The following MGA variants were observed in gnomAD, a reference collection of about 807,000 sequenced individuals.
MGA encodes MAX dimerization protein MGA, also known as MAX gene-associated protein.
MGA carries 40 observed loss-of-function variants against 261.1 expected under a neutral mutation model. That is an observed-to-expected ratio of 0.15 (90% CI 0.12 to 0.20). MGA has a LOEUF of 0.20. Among genes scored for constraint, MGA ranks in the 10% least tolerant of loss-of-function variants. The probability of loss-of-function intolerance (pLI) is 1.00; values close to 1 mark genes in which losing one functional copy is unlikely to be tolerated. For synonymous variants in MGA, 1,302 were observed against 1,290.6 expected (o/e 1.01, Z -0.19); for missense variants, 3,397 against 3,630.5 (o/e 0.94, Z 1.65).
chr15:41,682,835 G>A (rs915317500), intron 2 of MGA, among the ~76,000 whole-genome samples: 2 of 152,064 alleles, frequency 1.3e-5, no homozygotes, highest in African/African-American at 4.8e-5. Context: ...GGTTTGTGTT[G>A]TTTTTGTTGT....
Position 41,713,132 on chromosome 15 carries a change from T to G in MGA, c.3085-19T>G. ...GGGGGATGGTTTAGTGGAATTACAA[T>G]TTTCTCCTTTGACTTTAGGCATCCC... On this transcript the variant is annotated intron_variant, in intron 8 of 23. Coordinates refer to ENST00000219905, the MANE Select transcript of MGA (RefSeq NM_001164273.2). The G allele has an allele frequency of 6.2e-7, 1 of 1,602,646 alleles. No individual in the cohort carries two copies. Among genetic ancestry groups the G allele is most frequent in the East Asian group, 2.2e-5 (1 of 44,784 alleles).
intron 2 of MGA, 83 bp downstream of exon 2, chr15:41,670,041 G>T: frequency 9.2e-7 from 1 of 1,090,642 alleles, no homozygotes; most frequent in Non-Finnish European, 1.3e-6. Context: ...TGGTTCTGTG[G>T]AATGCTACAG....
chr15:41,742,661 G>T lies in MGA; in HGVS notation c.4701G>T (p.Lys1567Asn). 6.2e-7 allele frequency: 1 copy of T among 1,613,958 alleles called. No individual in the cohort carries two copies. Among genetic ancestry groups the T allele is most frequent in the Non-Finnish European group, 8.5e-7 (1 of 1,179,876 alleles). ...CCCAAACCCTGGCAGGGACACAGAA[G>T]TTCAGTATCAGACCTTCTCCAGTAA... Residue 1567 changes from lysine (K) to asparagine (N), a missense_variant, in exon 15 of 24, where the codon AAG becomes AAT. Coordinates refer to ENST00000219905, the MANE Select transcript of MGA (RefSeq NM_001164273.2).
At chr15:41,655,897 A>G (rs992770724), upstream of MGA, among the ~76,000 whole-genome samples, 5 of 152,192 alleles carry the variant, frequency 3.3e-5, no homozygotes, top group East Asian at 1.9e-4. Flanking sequence ...CAAACCTCAC[A>G]TTGTTGGACA....
At chr15:41,740,981 T>C (rs1184193214) in intron 14 of MGA, among the ~76,000 whole-genome samples, 1 of 152,190 alleles carries the variant, frequency 6.6e-6, no homozygotes, top group Non-Finnish European at 1.5e-5. Context: ...GAATGTTAGG[T>C]AAGAGTGTCA....
chr15:41,769,793 G>A lies in MGA; in HGVS notation c.*2513G>A, dbSNP rs1347011534. Reference sequence around the variant, plus strand: ...TAAGAATATAATTATGTCAGATTTAGCATTTTCTTTTATATATTAAATATA... The same window carrying A: ...TAAGAATATAATTATGTCAGATTTAACATTTTCTTTTATATATTAAATATA... On this transcript the variant is annotated 3_prime_UTR_variant, in exon 24 of 24. Transcript: ENST00000219905. 1.3e-5 allele frequency: 2 copies of A among 152,502 alleles called. No homozygotes were observed. The highest frequency in any genetic ancestry group is 3.8e-4 in the East Asian group (2 of 5,204). The allele number at this position is 152,502 out of a possible 1,614,324, so 9.4% of individuals were successfully genotyped here. A position where few individuals can be genotyped will look rare whatever the true frequency, so the allele number is the denominator to read the frequency against.
chr15:41,745,654 G>C (rs1277857104), intron 15 of MGA, among the ~76,000 whole-genome samples: 1 of 152,014 alleles, frequency 6.6e-6, no homozygotes, highest in Non-Finnish European at 1.5e-5. Flanking sequence ...ATCCTGGTTG[G>C]AGTGTAGTGG....
chr15:41,667,600 G>C (rs970113413), intron 1 of MGA, among the ~76,000 whole-genome samples: 1 of 151,958 alleles, frequency 6.6e-6, no homozygotes, highest in Non-Finnish European at 1.5e-5. Context: ...GGCTGGTCTG[G>C]GACTCCTGAC....
chr15:41,693,353 C>T (rs2059390973), intron 2 of MGA, among the ~76,000 whole-genome samples: 1 of 133,992 alleles, frequency 7.5e-6, no homozygotes, highest in African/African-American at 2.8e-5. Context: ...GTTCCCCTTT[C>T]TGTGTCCATG....
Position 41,710,834 on chromosome 15 carries a change from C to T in MGA, c.2569C>T (p.Leu857Phe). The T allele has an allele frequency of 6.2e-7, 1 of 1,613,960 alleles. No homozygotes were observed. Among genetic ancestry groups the T allele is most frequent in the Non-Finnish European group, 8.5e-7 (1 of 1,179,866 alleles). The stretch of plus-strand genomic sequence containing the variant: ...TCCCACATCTCCTGTGGTGTACCAG[C>T]TTCCCACTAAGAGTACCAGTTATGT... The change falls in exon 8 of 24, where the codon CTT (leucine) becomes TTT (phenylalanine). Residue 857 changes from leucine to phenylalanine, a missense_variant. By Grantham distance (22) the Leu-to-Phe change is conservative. Transcript: ENST00000219905.
chr15:41,675,301 G>C (rs1487918891), intron 2 of MGA, among the ~76,000 whole-genome samples: 2 of 151,980 alleles, frequency 1.3e-5, no homozygotes, highest in Non-Finnish European at 2.9e-5. Context: ...GTTAGCACAT[G>C]TGGTATTGTC....
rs189891661 is a variant in MGA at position 41,754,532 on chromosome 15, G to A, written c.7104G>A (p.Lys2368=). ...AGGAAATTAATGTTGCTCACCTGAAGACCACAGCGGCCCACACACAGTCAT... is the reference window on the plus strand; with the variant it reads ...AGGAAATTAATGTTGCTCACCTGAAAACCACAGCGGCCCACACACAGTCAT... Residue 2368 remains lysine, a synonymous_variant, in exon 18 of 24, where the codon AAG becomes AAA. Coordinates refer to ENST00000219905, the MANE Select transcript of MGA (RefSeq NM_001164273.2). 4.1e-4 allele frequency: 646 copies of A among 1,589,404 alleles called. No individual in the cohort carries two copies. The highest frequency in any genetic ancestry group is 1.8e-3 in the African/African-American group (131 of 74,736).
intron 1 of MGA, among the ~76,000 whole-genome samples, chr15:41,645,632 T>G (rs950222068): frequency 1.3e-5 from 2 of 152,186 alleles, no homozygotes; most frequent in African/African-American, 4.8e-5. Flanking sequence ...TAGTTGAAGA[T>G]TAATCACTTT....
upstream of MGA, among the ~76,000 whole-genome samples, chr15:41,657,393 G>A (rs547948935): frequency 1.6e-5 from 2 of 127,756 alleles, no homozygotes; most frequent in Non-Finnish European, 3.1e-5. Context: ...TTGCTCTGTC[G>A]TTCAGGCTGG....
chr15:41,743,003 A>G lies in MGA; in HGVS notation c.5043A>G (p.Ala1681=), dbSNP rs2062202918. The G allele has an allele frequency of 1.9e-6, 3 of 1,613,972 alleles. No individual in the cohort carries two copies. The highest frequency in any genetic ancestry group is 2.5e-6 in the Non-Finnish European group (3 of 1,179,886). The change falls in exon 15 of 24, where the codon GCA becomes GCG. Residue 1681 remains alanine, a synonymous_variant. Coordinates refer to ENST00000219905, the MANE Select transcript of MGA (RefSeq NM_001164273.2). ...TTGCTTTTCCTAAGTCTTTGGTAGC[A>G]TCTCCTTCAACCATAACTCTTCCTG...
intron 3 of MGA, 50 bp downstream of exon 3, chr15:41,697,073 A>G (rs1345656253): frequency 7.3e-7 from 1 of 1,361,100 alleles, no homozygotes; most frequent in Admixed American, 2.8e-5. Flanking sequence ...TCATACTTGA[A>G]TTGTATACTG....
rs1005707717 is a variant in MGA, at chr15:41,625,042, C to T, written c.-68+3744C>T. ...CCTGTTGTCACAGCTACTCAGGAGG[C>T]TGAGATGGGAAGATCACTTGACCTC... On this transcript the variant is annotated intron_variant, in intron 1 of 8. Coordinates refer to the MGA transcript ENST00000566718. Among the ~76,000 whole-genome samples the T allele has an allele frequency of 3.9e-5, 6 of 152,076 alleles. No homozygotes were observed. In the East Asian group the frequency reaches 9.7e-4, roughly 25 times the overall value.
At chr15:41,737,324 G>GC (rs1555430197) in intron 13 of MGA, among the ~76,000 whole-genome samples, 1 of 144,922 alleles carries the variant, frequency 6.9e-6, no homozygotes, top group Non-Finnish European at 1.5e-5. Flanking sequence ...TTTTGTTTTT[G>GC]TTTTTTTTTT....
chr15:41,722,595 TG>T (rs1174302353), intron 9 of MGA, among the ~76,000 whole-genome samples: 16 of 152,216 alleles, frequency 1.1e-4, no homozygotes, highest in Non-Finnish European at 1.8e-4. Flanking sequence ...TCTTGTATGG[TG>T]TTTACATGGA....
Sources: allele counts gnomAD v4.1 joint callset (sites outside exome capture counted in the v4.1 genomes callset), GRCh38; gene constraint gnomAD v4.1.1; transcripts MANE v1.5; gene names NCBI Gene and HGNC (gene_info 2026-07-23, HGNC 2026-07-21).